The following TTC39B variants were observed in gnomAD, a reference collection of about 807,000 sequenced individuals.
The protein encoded by TTC39B is tetratricopeptide repeat protein 39B.
Under a neutral mutation model 96.6 loss-of-function variants are expected in TTC39B, and 92 were observed. That is an observed-to-expected ratio of 0.95 (90% CI 0.80 to 1.13). The LOEUF is 1.13. Ranked by LOEUF, TTC39B falls within the 50% of genes most tolerant of loss-of-function variation. TTC39B has a pLI of 0.00. For synonymous variants in TTC39B, 367 were observed against 299.4 expected (o/e 1.23, Z -2.33); for missense variants, 955 against 809.3 (o/e 1.18, Z -2.18).
chr9:15,239,846 A>G (rs1028126279), intron 2 of TTC39B, among the ~76,000 whole-genome samples: 1 of 152,218 alleles, frequency 6.6e-6, no homozygotes, highest in African/African-American at 2.4e-5. Context: ...TAGAAGCTCA[A>G]TCCCCACCAT....
intron 2 of TTC39B, among the ~76,000 whole-genome samples, chr9:15,261,314 A>C (rs771270837): frequency 2.6e-5 from 4 of 152,070 alleles, no homozygotes; most frequent in Non-Finnish European, 5.9e-5. Flanking sequence ...CTGCATCTCT[A>C]CAAAAAATAA....
intron 1 of TTC39B, among the ~76,000 whole-genome samples, chr9:15,301,711 G>C (rs184825016): frequency 6.6e-6 from 1 of 150,646 alleles, no homozygotes; most frequent in Non-Finnish European, 1.5e-5. Context: ...AGCTGAGATC[G>C]TGCCACTGCA....
At chr9:15,296,937 T>C (rs769370483) in intron 1 of TTC39B, among the ~76,000 whole-genome samples, 1 of 152,128 alleles carries the variant, frequency 6.6e-6, no homozygotes, top group Non-Finnish European at 1.5e-5. Context: ...CAGTAAGCCA[T>C]GATCACACCA....
chr9:15,257,028 T>C (rs954315933), intron 2 of TTC39B, among the ~76,000 whole-genome samples: 2 of 152,156 alleles, frequency 1.3e-5, no homozygotes, highest in East Asian at 3.9e-4. Context: ...AAAAAATAAA[T>C]GAGACAGTCG....
chr9:15,300,362 G>C (rs867973949), intron 1 of TTC39B, among the ~76,000 whole-genome samples: 58 of 152,186 alleles, frequency 3.8e-4, no homozygotes, highest in African/African-American at 1.4e-3. Flanking sequence ...CTCAAACTGG[G>C]GGACAGGCCA....
intron 2 of TTC39B, among the ~76,000 whole-genome samples, chr9:15,255,763 T>C (rs1345301548): frequency 6.6e-6 from 1 of 152,228 alleles, no homozygotes; most frequent in African/African-American, 2.4e-5. Context: ...GTGTTTACTA[T>C]GCCCAAACAT....
At chr9:15,307,048 TC>T (rs766457958) in intron 1 of TTC39B, 35 bp downstream of exon 1, 3 of 1,602,324 alleles carry the variant, frequency 1.9e-6, no homozygotes, top group African/African-American at 2.7e-5. Flanking sequence ...GTCCAGGGCT[TC>T]AGGGGCCGGG....
intron 4 of TTC39B, among the ~76,000 whole-genome samples, chr9:15,212,560 G>A (rs1304574849): frequency 1.3e-5 from 2 of 152,148 alleles, no homozygotes; most frequent in Admixed American, 6.5e-5. Flanking sequence ...CGAGTAGCTG[G>A]GATTACAGGC....
chr9:15,244,897 T>C (rs769604821), intron 2 of TTC39B, among the ~76,000 whole-genome samples: 2 of 152,198 alleles, frequency 1.3e-5, no homozygotes, highest in Non-Finnish European at 1.5e-5. Flanking sequence ...AAGACAATTC[T>C]GACAACAAGT....
intron 6 of TTC39B, among the ~76,000 whole-genome samples, chr9:15,206,769 A>G (rs1298931908): frequency 6.6e-6 from 1 of 152,140 alleles, no homozygotes. Context: ...TTATGTAGAG[A>G]CAGGTTCTTG....
chr9:15,238,503 G>A (rs1412797181), intron 2 of TTC39B, among the ~76,000 whole-genome samples: 1 of 152,176 alleles, frequency 6.6e-6, no homozygotes, highest in Non-Finnish European at 1.5e-5. Context: ...TGTTCAAGCT[G>A]AGAACCAAAT....
chr9:15,203,360 C>G (rs940038430), intron 7 of TTC39B, among the ~76,000 whole-genome samples: 9 of 152,100 alleles, frequency 5.9e-5, no homozygotes, highest in African/African-American at 2.2e-4. Context: ...AAGTGATTTT[C>G]CTGCCTCAGC....
intron 14 of TTC39B, among the ~76,000 whole-genome samples, 163 bp from the exon 15 acceptor site, chr9:15,187,198 T>A (rs889513632): frequency 6.6e-6 from 1 of 152,194 alleles, no homozygotes. Flanking sequence ...TGACAACAAC[T>A]CTTTTCAATT....
intron 1 of TTC39B, among the ~76,000 whole-genome samples, chr9:15,284,250 A>G (rs1336485893): frequency 2.0e-5 from 3 of 152,256 alleles, no homozygotes; most frequent in Admixed American, 2.0e-4. Context: ...CAAGGTTGAT[A>G]ATATCCACAG....
intron 3 of TTC39B, among the ~76,000 whole-genome samples, chr9:15,215,949 C>A (rs576233401): frequency 6.6e-6 from 1 of 152,186 alleles, no homozygotes; most frequent in Admixed American, 6.5e-5. Context: ...TCCCACCAAC[C>A]TCTTCAATTT....
intron 6 of TTC39B, among the ~76,000 whole-genome samples, chr9:15,206,267 T>C (rs1819851136): frequency 6.6e-6 from 1 of 151,952 alleles, no homozygotes. Context: ...AAAGAACTAG[T>C]ATGTTCCACA....
At chr9:15,241,315 A>G (rs1822029880) in intron 2 of TTC39B, among the ~76,000 whole-genome samples, 1 of 152,204 alleles carries the variant, frequency 6.6e-6, no homozygotes, top group African/African-American at 2.4e-5. Flanking sequence ...AAACTCTGCA[A>G]AACAATGAAA....
At chr9:15,187,428 T>G (rs1818592780) in intron 14 of TTC39B, among the ~76,000 whole-genome samples, 1 of 152,184 alleles carries the variant, frequency 6.6e-6, no homozygotes, top group Admixed American at 6.5e-5. Context: ...TAAGTACAAC[T>G]CATTTTCAGA....
At chr9:15,249,769 T>C (rs1486093331) in intron 2 of TTC39B, 1 of 515,520 alleles carries the variant, frequency 1.9e-6, no homozygotes, top group Non-Finnish European at 2.8e-6. Context: ...ATGAAGACAA[T>C]GTCATCTAAC....
Sources: allele counts gnomAD v4.1 joint callset (sites outside exome capture counted in the v4.1 genomes callset), GRCh38; gene constraint gnomAD v4.1.1; transcripts MANE v1.5; gene names NCBI Gene and HGNC (gene_info 2026-07-23, HGNC 2026-07-21).